NRG3: variants seen among roughly 807,000 people sequenced by gnomAD.
NRG3 encodes neuregulin 3, also known as pro-neuregulin-3, membrane-bound isoform.
NRG3 carries 31 observed loss-of-function variants against 66.9 expected under a neutral mutation model. That is an observed-to-expected ratio of 0.46 (90% confidence interval 0.35 to 0.63). The LOEUF (loss-of-function observed/expected upper bound fraction) is 0.63, where lower values mean the gene tolerates loss of function less well. Among genes scored for constraint, NRG3 ranks in the 20% least tolerant of loss-of-function variants. NRG3 has a pLI of 0.00. For synonymous variants in NRG3, 393 were observed against 359.4 expected, an observed-to-expected ratio of 1.09 and a Z score of -1.06; for missense variants, 910 against 878.9, an observed-to-expected ratio of 1.04 and a Z score of -0.45.
At chr10:82,233,236 G>C (rs1194510212) in intron 1 of NRG3, among the ~76,000 whole-genome samples, 1 of 152,170 alleles carries the variant, frequency 6.6e-6, no homozygotes, top group Non-Finnish European at 1.5e-5. Context: ...ATGGTGGTAG[G>C]CACCTGTAGT....
chr10:82,921,347 T>C (rs1166950497), intron 4 of NRG3, among the ~76,000 whole-genome samples: 1 of 152,110 alleles, frequency 6.6e-6, no homozygotes, highest in African/African-American at 2.4e-5. Context: ...AAGGAGAGCC[T>C]GAGGAAACTA....
intron 1 of NRG3, among the ~76,000 whole-genome samples, chr10:82,153,439 G>GTGTT (rs1490199781): frequency 6.6e-6 from 1 of 150,416 alleles, no homozygotes; most frequent in Non-Finnish European, 1.5e-5. Context: ...GTGTGTGTGT[G>GTGTT]TGTTTTCTTT....
At chr10:81,946,656 G>A (rs1187160785) in intron 1 of NRG3, among the ~76,000 whole-genome samples, 3 of 151,960 alleles carry the variant, frequency 2.0e-5, no homozygotes, top group Non-Finnish European at 4.4e-5. Flanking sequence ...AGAATAACAT[G>A]TGCAGCTAAA....
intron 1 of NRG3, among the ~76,000 whole-genome samples, chr10:81,992,087 C>A (rs2060765414): frequency 6.6e-6 from 1 of 152,122 alleles, no homozygotes; most frequent in South Asian, 2.1e-4. Flanking sequence ...AAGTTGGGTC[C>A]TTTCACACTT....
chr10:81,993,310 C>CA (rs2133591904), intron 1 of NRG3, among the ~76,000 whole-genome samples: 1 of 152,218 alleles, frequency 6.6e-6, no homozygotes, highest in South Asian at 2.1e-4. Flanking sequence ...CATGAGCACA[C>CA]AGCTTAGTTT....
chr10:82,168,338 A>C (rs1590386790), intron 1 of NRG3, among the ~76,000 whole-genome samples: 2 of 152,076 alleles, frequency 1.3e-5, no homozygotes, highest in South Asian at 4.1e-4. Context: ...GGAAGATCCC[A>C]GTAGGAAACC....
At chr10:82,516,504 A>T (rs1845675120) in intron 2 of NRG3, among the ~76,000 whole-genome samples, 2 of 152,170 alleles carry the variant, frequency 1.3e-5, no homozygotes, top group South Asian at 2.1e-4. Context: ...CCACACACAC[A>T]CAAATAATGC....
At chr10:82,077,517 C>A (rs2065154372) in intron 1 of NRG3, among the ~76,000 whole-genome samples, 1 of 152,116 alleles carries the variant, frequency 6.6e-6, no homozygotes, top group Admixed American at 6.6e-5. Context: ...AACATGCTTC[C>A]ATCTCTTGTA....
At chr10:81,921,471 C>G (rs1846247864) in intron 1 of NRG3, among the ~76,000 whole-genome samples, 1 of 152,084 alleles carries the variant, frequency 6.6e-6, no homozygotes, top group African/African-American at 2.4e-5. Flanking sequence ...AGTCAAACCT[C>G]TTAGTCTTTT....
chr10:82,392,054 C>T (rs562169555), intron 2 of NRG3, among the ~76,000 whole-genome samples: 1 of 150,984 alleles, frequency 6.6e-6, no homozygotes, highest in South Asian at 2.1e-4. Context: ...TAGAATTGCC[C>T]CATGTGAATT....
chr10:81,939,757 A>G (rs574032997), intron 1 of NRG3, among the ~76,000 whole-genome samples: 1 of 143,706 alleles, frequency 7.0e-6, no homozygotes, highest in Non-Finnish European at 1.5e-5. Context: ...TTGTGTTTCT[A>G]GTCTCTATTT....
At chr10:82,777,857 G>A (rs938578383) in intron 3 of NRG3, among the ~76,000 whole-genome samples, 1 of 152,208 alleles carries the variant, frequency 6.6e-6, no homozygotes, top group African/African-American at 2.4e-5. Flanking sequence ...TTGGGGCACG[G>A]CTGTAGCTTG....
At chr10:82,765,625 TAACA>T (rs1261606214) in intron 3 of NRG3, among the ~76,000 whole-genome samples, 1 of 152,132 alleles carries the variant, frequency 6.6e-6, no homozygotes, top group East Asian at 1.9e-4. Context: ...AAAAAAGCCA[TAACA>T]AACAATCAAT....
intron 3 of NRG3, among the ~76,000 whole-genome samples, chr10:82,788,278 A>C: frequency 6.6e-6 from 1 of 152,208 alleles, no homozygotes; most frequent in East Asian, 1.9e-4. Context: ...AATCACATAA[A>C]GGTAAGAAAC....
chr10:82,827,068 T>G (rs2062252358), intron 3 of NRG3: 1 of 312,268 alleles, frequency 3.2e-6, no homozygotes, highest in African/African-American at 2.2e-5. Flanking sequence ...TTTTACACTT[T>G]TCATTTCATA....
At chr10:81,944,816 G>A (rs1329841631) in intron 1 of NRG3, among the ~76,000 whole-genome samples, 1 of 152,100 alleles carries the variant, frequency 6.6e-6, no homozygotes, top group Non-Finnish European at 1.5e-5. Flanking sequence ...AAGCACCCAT[G>A]GCACATTTTC....
intron 1 of NRG3, among the ~76,000 whole-genome samples, chr10:82,146,363 T>C (rs1045292776): frequency 6.6e-6 from 1 of 152,150 alleles, no homozygotes; most frequent in African/African-American, 2.4e-5. Context: ...GCAAGTGATC[T>C]CTGTGTTATT....
intron 2 of NRG3, among the ~76,000 whole-genome samples, chr10:82,375,386 A>C (rs1168328826): frequency 1.3e-5 from 2 of 151,986 alleles, no homozygotes; most frequent in African/African-American, 4.8e-5. Context: ...AAATACAAAA[A>C]ATTAACCGGG....
intron 1 of NRG3, among the ~76,000 whole-genome samples, chr10:82,350,902 T>C (rs928560810): frequency 3.9e-5 from 6 of 152,014 alleles, no homozygotes; most frequent in African/African-American, 1.4e-4. Context: ...TCTTCTTTTT[T>C]TTTTTTTTAG....
Sources: allele counts gnomAD v4.1 joint callset (sites outside exome capture counted in the v4.1 genomes callset), GRCh38; gene constraint gnomAD v4.1.1; transcripts MANE v1.5; gene names NCBI Gene and HGNC (gene_info 2026-07-23, HGNC 2026-07-21).